The following SRBD1 variants were observed in gnomAD, a reference collection of about 807,000 sequenced individuals.
SRBD1 encodes S1 RNA binding domain 1.
SRBD1 carries 88 observed loss-of-function variants against 115.3 expected under a neutral mutation model. That is an observed-to-expected ratio of 0.76 (90% CI 0.64 to 0.91). SRBD1 has a LOEUF of 0.91. SRBD1 is among the 40% of genes least tolerant of loss of function. The pLI is 0.00. For missense variants in SRBD1, 1,385 were observed against 1,177.4 expected, an observed-to-expected ratio of 1.18 and a Z score of -2.58; for synonymous variants, 509 against 407.7, an observed-to-expected ratio of 1.25 and a Z score of -2.99.
At chr2:45,443,596 G>T (rs974303335) in intron 16 of SRBD1, among the ~76,000 whole-genome samples, 5 of 152,082 alleles carry the variant, frequency 3.3e-5, no homozygotes, top group Non-Finnish European at 5.9e-5. Context: ...GATCAATGGT[G>T]TTTAAGGTAG....
chr2:45,546,070 G>C (rs889919168), intron 14 of SRBD1: 5 of 734,530 alleles, frequency 6.8e-6, no homozygotes, highest in African/African-American at 5.8e-5. Context: ...AAATCCTTTA[G>C]GACTTAATAT....
chr2:45,479,268 C>A (rs770143156), intron 15 of SRBD1, among the ~76,000 whole-genome samples: 2 of 152,094 alleles, frequency 1.3e-5, no homozygotes, highest in Non-Finnish European at 2.9e-5. Context: ...AAGGAAGAGT[C>A]GCACGTCTCT....
At chr2:45,538,021 AG>A (rs1459424258) in intron 14 of SRBD1, among the ~76,000 whole-genome samples, 12 of 152,192 alleles carry the variant, frequency 7.9e-5, no homozygotes, top group Non-Finnish European at 1.8e-4. Context: ...ATGGGCCTGC[AG>A]GAAGAAGTGT....
chr2:45,483,062 T>C (rs1384452220), intron 15 of SRBD1, among the ~76,000 whole-genome samples: 3 of 152,072 alleles, frequency 2.0e-5, no homozygotes, highest in African/African-American at 7.2e-5. Flanking sequence ...TAAAGTTCAT[T>C]TGCAAAACAC....
At chr2:45,398,984 CTG>C (rs1667222260) in intron 19 of SRBD1, among the ~76,000 whole-genome samples, 1 of 152,088 alleles carries the variant, frequency 6.6e-6, no homozygotes, top group Admixed American at 6.6e-5. Flanking sequence ...GTTGTAGGAA[CTG>C]TCTTAGAAAT....
intron 14 of SRBD1, among the ~76,000 whole-genome samples, chr2:45,495,347 G>A (rs1372380437): frequency 6.6e-6 from 1 of 152,046 alleles, no homozygotes; most frequent in African/African-American, 2.4e-5. Flanking sequence ...CAAACTGAAG[G>A]ACAAAAAAGA....
intron 7 of SRBD1, among the ~76,000 whole-genome samples, chr2:45,579,389 A>G (rs1237688543): frequency 6.6e-6 from 1 of 152,202 alleles, no homozygotes; most frequent in African/African-American, 2.4e-5. Context: ...GACTTTTGCA[A>G]GTAAACAAAT....
intron 15 of SRBD1, among the ~76,000 whole-genome samples, chr2:45,482,149 T>G (rs982469127): frequency 2.0e-5 from 3 of 152,160 alleles, no homozygotes; most frequent in African/African-American, 7.2e-5. Flanking sequence ...TTTTTTAAAA[T>G]GTAGTATGTC....
In SRBD1 at chr2:45,602,045, G is replaced by A; in HGVS notation, c.119C>T (p.Ala40Val). 1 of 1,614,092 alleles carries A rather than the reference G, an allele frequency of 6.2e-7. No individual in the cohort carries two copies. The highest frequency in any genetic ancestry group is 8.5e-7 in the Non-Finnish European group (1 of 1,179,986). ...ASEEDDKEDS[A>V]WEPQKKVPRS... ...GGGAACTTTCTTTTGGGGCTCCCAGGCACTATCTTCCTTGTCATCTTCTTC... is the reference window on the plus strand; with the variant it reads ...GGGAACTTTCTTTTGGGGCTCCCAGACACTATCTTCCTTGTCATCTTCTTC... Residue 40 changes from alanine (A) to valine (V), a missense_variant, in exon 3 of 21, where the codon GCC becomes GTC. Transcript: ENST00000263736.
intron 14 of SRBD1, among the ~76,000 whole-genome samples, chr2:45,509,806 C>T (rs1335510490): frequency 1.3e-5 from 2 of 152,156 alleles, no homozygotes; most frequent in South Asian, 2.1e-4. Flanking sequence ...GCAGTCTCAG[C>T]TCACTATAGC....
intron 4 of SRBD1, among the ~76,000 whole-genome samples, chr2:45,590,931 C>T (rs1302633560): frequency 2.0e-5 from 3 of 151,884 alleles, no homozygotes; most frequent in African/African-American, 4.8e-5. Flanking sequence ...ACAGGGGAAT[C>T]ACTTGAACCC....
intron 19 of SRBD1, among the ~76,000 whole-genome samples, 161 bp downstream of exon 19, chr2:45,412,953 T>C (rs1667646691): frequency 6.6e-6 from 1 of 152,176 alleles, no homozygotes; most frequent in Admixed American, 6.5e-5. Context: ...CTCAGTGAAA[T>C]GAAATAATGT....
intron 11 of SRBD1, among the ~76,000 whole-genome samples, chr2:45,553,117 T>C (rs900679006): frequency 4.6e-5 from 7 of 152,210 alleles, no homozygotes; most frequent in African/African-American, 1.4e-4. Context: ...TTCCATCTTC[T>C]GTCCTGAAAA....
intron 18 of SRBD1, among the ~76,000 whole-genome samples, chr2:45,415,858 G>A (rs1667817019): frequency 6.6e-6 from 1 of 151,030 alleles, no homozygotes; most frequent in African/African-American, 2.4e-5. Flanking sequence ...TATCATGGGA[G>A]GCAGAGAGAG....
intron 16 of SRBD1, among the ~76,000 whole-genome samples, chr2:45,468,251 A>T (rs1669549118): frequency 6.6e-6 from 1 of 152,072 alleles, no homozygotes; most frequent in Non-Finnish European, 1.5e-5. Context: ...CTCCATATTA[A>T]TCTAGCATTT....
chr2:45,507,026 G>T (rs1422642237), intron 14 of SRBD1, among the ~76,000 whole-genome samples: 1 of 152,038 alleles, frequency 6.6e-6, no homozygotes, highest in East Asian at 1.9e-4. Flanking sequence ...CATTAATATG[G>T]ATAAAAACCA....
At chr2:45,469,722 G>C (rs1308592804) in intron 16 of SRBD1, among the ~76,000 whole-genome samples, 1 of 152,112 alleles carries the variant, frequency 6.6e-6, no homozygotes, top group Non-Finnish European at 1.5e-5. Context: ...CACATGAGTT[G>C]GGTTCATACA....
intron 14 of SRBD1, among the ~76,000 whole-genome samples, chr2:45,490,608 C>A (rs1042299896): frequency 6.6e-6 from 1 of 152,010 alleles, no homozygotes; most frequent in Non-Finnish European, 1.5e-5. Flanking sequence ...CAGAAGCCTC[C>A]AAAGTTACAA....
intron 16 of SRBD1, among the ~76,000 whole-genome samples, chr2:45,471,883 C>T (rs1669660445): frequency 6.6e-6 from 1 of 151,994 alleles, no homozygotes; most frequent in African/African-American, 2.4e-5. Flanking sequence ...ATGCAGTTAT[C>T]ACATATACAT....
Sources: gnomAD v4.1 joint callset for allele counts (sites outside exome capture counted in the v4.1 genomes callset) on GRCh38, gnomAD v4.1.1 for gene constraint, MANE v1.5 for transcripts, NCBI Gene and HGNC (gene_info 2026-07-23, HGNC 2026-07-21) for gene names.